Variants in SKAP2 observed in about 807,000 individuals in gnomAD.
The protein encoded by SKAP2 is src kinase associated phosphoprotein 2, also known as src kinase-associated phosphoprotein 2.
SKAP2 carries 28 observed loss-of-function variants against 54.9 expected under a neutral mutation model. The ratio of observed to expected loss-of-function variants is 0.51; its 90% CI spans 0.38 to 0.70. The LOEUF is 0.70. SKAP2 is among the 30% of genes least tolerant of loss of function. The probability of loss-of-function intolerance (pLI) is 0.00; values close to 1 mark genes in which losing one functional copy is unlikely to be tolerated. For synonymous variants in SKAP2, 137 were observed against 134.3 expected, an observed-to-expected ratio of 1.02 and a Z score of -0.14; for missense variants, 356 against 424.1, an observed-to-expected ratio of 0.84 and a Z score of 1.41.
chr7:26,736,423 T>C (rs1171916782), intron 6 of SKAP2, among the ~76,000 whole-genome samples: 3 of 98,600 alleles, frequency 3.0e-5, no homozygotes, highest in African/African-American at 4.2e-5. Context: ...GAAGTTACCC[T>C]ATATGGCTTA....
Position 26,668,454 on chromosome 7 carries a change from A to T in SKAP2, c.*1212T>A, listed in dbSNP as rs1441341623. On this transcript the variant is annotated 3_prime_UTR_variant, in exon 13 of 13. Coordinates refer to ENST00000345317, the MANE Select transcript of SKAP2 (RefSeq NM_003930.5). ...ATAACTCAAATGTCAGGCTAACACT[A>T]CCTTTCTACTCACCTGTTGGTACAT... The T allele has an allele frequency of 6.6e-6, 1 of 152,038 alleles. No individual in the cohort carries two copies. Among genetic ancestry groups the T allele is most frequent in the Non-Finnish European group, 1.5e-5 (1 of 68,012 alleles). The allele number at this position is 152,038 out of a possible 1,614,324, so 9.4% of individuals were successfully genotyped here. A position where few individuals can be genotyped will look rare whatever the true frequency, so the allele number is the denominator to read the frequency against.
chr7:26,807,303 C>G (rs553513255), intron 4 of SKAP2, among the ~76,000 whole-genome samples: 1 of 152,138 alleles, frequency 6.6e-6, no homozygotes, highest in Admixed American at 6.5e-5. Context: ...ATAATCCTCA[C>G]GTGTCCAGGG....
intron 4 of SKAP2, among the ~76,000 whole-genome samples, chr7:26,809,732 G>C (rs771779228): frequency 7.9e-5 from 12 of 152,162 alleles, no homozygotes; most frequent in Non-Finnish European, 1.6e-4. Flanking sequence ...GCTACCATAT[G>C]ATCCAGTAAT....
At position 26,794,994 on chromosome 7, in the gene SKAP2, T is replaced by C. The variant is rs375073999; in HGVS notation, c.307+49036A>G. On this transcript the variant is annotated intron_variant, in intron 4 of 12. Coordinates refer to ENST00000345317, the MANE Select transcript of SKAP2 (RefSeq NM_003930.5). ...CCTCTTGAACCTGGTGCCTTCCCTA[T>C]TGAGGTTAATAGAGGTTTGGCACAA... Among the ~76,000 whole-genome samples the C allele has an allele frequency of 5.9e-5, 9 of 152,198 alleles. No homozygotes were observed. In the East Asian group the frequency reaches 7.7e-4, roughly 13 times the overall value.
chr7:26,819,877 C>A (rs1325054498), intron 4 of SKAP2, among the ~76,000 whole-genome samples: 1 of 151,822 alleles, frequency 6.6e-6, no homozygotes, highest in South Asian at 2.1e-4. Context: ...GCAAGTAGAG[C>A]AAGTACAAAC....
chr7:26,734,144 C>T (rs183531732), intron 6 of SKAP2, among the ~76,000 whole-genome samples: 3 of 152,238 alleles, frequency 2.0e-5, no homozygotes, highest in Admixed American at 2.0e-4. Context: ...GCATTAAATC[C>T]TCGCTCTGCC....
chr7:26,772,742 TC>T (rs1299316170), intron 4 of SKAP2, among the ~76,000 whole-genome samples: 1 of 152,240 alleles, frequency 6.6e-6, no homozygotes, highest in Non-Finnish European at 1.5e-5. Flanking sequence ...CAAGTGAAAC[TC>T]AATCCACGTG....
At chr7:26,844,180 T>C (rs1460547428) in intron 3 of SKAP2, 43 bp from the exon 4 acceptor site, 2 of 1,202,154 alleles carry the variant, frequency 1.7e-6, no homozygotes, top group Admixed American at 1.7e-5. Flanking sequence ...TTTTATACTT[T>C]AGCCATTTAA....
intron 4 of SKAP2, among the ~76,000 whole-genome samples, chr7:26,766,148 G>C (rs1482302832): frequency 1.3e-5 from 2 of 152,086 alleles, no homozygotes; most frequent in Non-Finnish European, 2.9e-5. Flanking sequence ...TTATTTCCTT[G>C]AGCAGTGGTT....
chr7:26,749,472 G>A (rs942624019), intron 4 of SKAP2, among the ~76,000 whole-genome samples: 3 of 151,972 alleles, frequency 2.0e-5, no homozygotes, highest in African/African-American at 7.3e-5. Flanking sequence ...TCCTCGGCTG[G>A]GGGTAGTGAT....
At chr7:26,656,908 C>T in the SKAP2 span, among the ~76,000 whole-genome samples, 1 of 152,016 alleles carries the variant, frequency 6.6e-6, no homozygotes, top group Non-Finnish European at 1.5e-5. Context: ...ATGAACCCCA[C>T]GGCTGCCCGA....
intron 9 of SKAP2, among the ~76,000 whole-genome samples, chr7:26,708,034 A>T (rs1787205147): frequency 6.6e-6 from 1 of 152,228 alleles, no homozygotes; most frequent in Admixed American, 6.5e-5. Flanking sequence ...AGCTCACAAT[A>T]CATGGACCTA....
At chr7:26,846,887 A>C (rs977807993) in intron 3 of SKAP2, among the ~76,000 whole-genome samples, 4 of 152,162 alleles carry the variant, frequency 2.6e-5, no homozygotes, top group Admixed American at 6.5e-5. Context: ...AGGCTGAGGC[A>C]GGGAGAACTG....
chr7:26,796,665 T>C (rs1584394896), intron 4 of SKAP2, among the ~76,000 whole-genome samples: 2 of 152,246 alleles, frequency 1.3e-5, no homozygotes, highest in African/African-American at 2.4e-5. Flanking sequence ...GTGGCACCAA[T>C]AAATACAGTA....
Position 26,836,959 on chromosome 7 carries a change from G to C in SKAP2, c.307+7071C>G, listed in dbSNP as rs140274880. ...ACCCAAATGCATCAATGATAGACTG[G>C]GTAAAGAAAATGTGGCACATATACA... is the stretch of plus-strand genomic sequence containing the variant. On this transcript the variant is annotated intron_variant, in intron 4 of 12. Transcript: ENST00000345317. Among the ~76,000 whole-genome samples the C allele has an allele frequency of 4.5e-3, 680 of 152,234 alleles. 4 individuals carry two copies. Among genetic ancestry groups the C allele is most frequent in the African/African-American group, 0.015 (639 of 41,514 alleles).
At chr7:26,726,211 GA>G (rs1176418072) in intron 7 of SKAP2, among the ~76,000 whole-genome samples, 1 of 152,016 alleles carries the variant, frequency 6.6e-6, no homozygotes, top group African/African-American at 2.4e-5. Flanking sequence ...AGCTGTGCAG[GA>G]AAAAAAGCTG....
At chr7:26,823,230 A>T (rs945265828) in intron 4 of SKAP2, among the ~76,000 whole-genome samples, 4 of 152,052 alleles carry the variant, frequency 2.6e-5, no homozygotes, top group Admixed American at 1.3e-4. Flanking sequence ...GTTTGAGACC[A>T]GCCTGTCCAA....
intron 4 of SKAP2, chr7:26,746,635 T>C (rs1584365211): frequency 6.6e-6 from 1 of 150,620 alleles, no homozygotes; most frequent in South Asian, 2.1e-4. Context: ...TTTTTTTTTT[T>C]ACCTTAAACA....
chr7:26,766,536 C>A (rs2127973149), intron 4 of SKAP2, among the ~76,000 whole-genome samples: 1 of 152,310 alleles, frequency 6.6e-6, no homozygotes, highest in South Asian at 2.1e-4. Flanking sequence ...AAGAGGGCAT[C>A]CTTGTCTTGA....
Sources: allele counts gnomAD v4.1 joint callset (sites outside exome capture counted in the v4.1 genomes callset), GRCh38; gene constraint gnomAD v4.1.1; transcripts MANE v1.5; gene names NCBI Gene and HGNC (gene_info 2026-07-23, HGNC 2026-07-21).